The following OTOA variants were observed in gnomAD, a reference collection of about 807,000 sequenced individuals.
OTOA encodes cancer/testis antigen 108.
In OTOA, 70 loss-of-function variants were observed where a neutral mutation model predicts 110.8. The observed-to-expected ratio is 0.63, with a 90% CI of 0.52 to 0.77. The LOEUF (loss-of-function observed/expected upper bound fraction) is 0.77, where lower values mean the gene tolerates loss of function less well. Ranked by LOEUF, OTOA falls within the 30% of genes least tolerant of loss-of-function variation. The pLI is 0.00. For synonymous variants in OTOA, 373 were observed against 431.5 expected (o/e 0.86, Z 1.68); for missense variants, 917 against 1,075.8 (o/e 0.85, Z 2.06).
intron 18 of OTOA, among the ~76,000 whole-genome samples, chr16:21,725,326 C>T (rs1898879763): frequency 6.6e-6 from 1 of 151,994 alleles, no homozygotes; most frequent in African/African-American, 2.4e-5. Context: ...ATTCTGTCAC[C>T]CAGGTTGGAG....
chr16:21,719,429 T>C lies in OTOA; in HGVS notation c.1731T>C (p.Asp577=), dbSNP rs1898659448. Residue 577 remains aspartate (D), a synonymous_variant, in exon 17 of 29, where the codon GAT becomes GAC. Coordinates refer to ENST00000646100, the MANE Select transcript of OTOA (RefSeq NM_144672.4). ...AAGGCGTGACCTGCTCACACATTGATGCCATGAGCACTGACTTCTTTCTGG... is the reference window on the plus strand; with the variant it reads ...AAGGCGTGACCTGCTCACACATTGACGCCATGAGCACTGACTTCTTTCTGG... ...LVKGVTCSHI[D]AMSTDFFLAH... The C allele has an allele frequency of 6.2e-7, 1 of 1,614,066 alleles. No homozygotes were observed. Among genetic ancestry groups the C allele is most frequent in the African/African-American group, 1.3e-5 (1 of 74,944 alleles).
chr16:21,699,811 C>T (rs1267578737), intron 10 of OTOA, among the ~76,000 whole-genome samples: 1 of 151,972 alleles, frequency 6.6e-6, no homozygotes, highest in Non-Finnish European at 1.5e-5. Flanking sequence ...CCCAGCTACT[C>T]AGGAGGCTGA....
intron 1 of OTOA, among the ~76,000 whole-genome samples, chr16:21,667,147 A>C (rs1418597789): frequency 6.6e-6 from 1 of 152,202 alleles, no homozygotes; most frequent in Non-Finnish European, 1.5e-5. Flanking sequence ...GTGGGCCAAC[A>C]CACCTACAAA....
At chr16:21,688,918 G>C (rs192946195) in intron 8 of OTOA, among the ~76,000 whole-genome samples, 1 of 152,160 alleles carries the variant, frequency 6.6e-6, no homozygotes, top group Admixed American at 6.6e-5. Context: ...ATCTGAGTGT[G>C]TTTTAAAGAT....
At chr16:21,728,486 A>T (rs759586650) in intron 20 of OTOA, 55 bp downstream of exon 20, 136 of 1,579,888 alleles carry the variant, frequency 8.6e-5, no homozygotes, top group Middle Eastern at 2.0e-4. Context: ...GTGGAGGGAC[A>T]CTCAACCTTG....
At chr16:21,675,709 C>T (rs1384215927) in intron 1 of OTOA, among the ~76,000 whole-genome samples, 1 of 151,930 alleles carries the variant, frequency 6.6e-6, no homozygotes, top group African/African-American at 2.4e-5. Flanking sequence ...TCTAGAAGTT[C>T]CTCTTGGGGT....
intron 28 of OTOA, among the ~76,000 whole-genome samples, chr16:21,760,245 T>C (rs1165790180): frequency 2.0e-5 from 3 of 151,882 alleles, no homozygotes; most frequent in Non-Finnish European, 2.9e-5. Flanking sequence ...AATTGGTGTT[T>C]CTAACAAGCT....
intron 7 of OTOA, 120 bp downstream of exon 7, chr16:21,685,481 C>CAGGCA: frequency 7.1e-7 from 1 of 1,412,654 alleles, no homozygotes. Context: ...CTCTCTCCTT[C>CAGGCA]TGCCTCCTCC....
chr16:21,667,135 T>TG (rs1966841665), intron 1 of OTOA, among the ~76,000 whole-genome samples: 1 of 152,138 alleles, frequency 6.6e-6, no homozygotes, highest in Non-Finnish European at 1.5e-5. Context: ...AGGATGGTGA[T>TG]GGTGGGCCAA....
chr16:21,760,629 C>T lies in OTOA; in HGVS notation c.*89C>T. Reference sequence around the variant, plus strand: ...GCTCCAGATGGTGGGACACCCTTCCCTGGATCCAGACCCTCATCTAGGGCA... The same window carrying T: ...GCTCCAGATGGTGGGACACCCTTCCTTGGATCCAGACCCTCATCTAGGGCA... On this transcript the variant is annotated 3_prime_UTR_variant, in exon 29 of 29. Coordinates refer to ENST00000646100, the MANE Select transcript of OTOA (RefSeq NM_144672.4). 8.4e-7 allele frequency: 1 copy of T among 1,194,522 alleles called. No individual in the cohort carries two copies. 74.0% of individuals were successfully genotyped at this position (1,194,522 alleles called of 1,614,324 possible).
intron 28 of OTOA, among the ~76,000 whole-genome samples, chr16:21,757,615 C>CTAT (rs557683434): frequency 1.8e-4 from 27 of 149,936 alleles, no homozygotes; most frequent in South Asian, 4.2e-4. Flanking sequence ...TAATAATGAA[C>CTAT]TATTATTATT....
intron 1 of OTOA, among the ~76,000 whole-genome samples, chr16:21,670,867 A>T (rs1757909388): frequency 6.6e-6 from 1 of 152,200 alleles, no homozygotes; most frequent in Admixed American, 6.5e-5. Flanking sequence ...TTAGCCGGGC[A>T]AAGAGGAAGG....
At chr16:21,719,022 C>A in intron 15 of OTOA, 111 bp from the exon 16 acceptor site, 1 of 1,088,636 alleles carries the variant, frequency 9.2e-7, no homozygotes. Context: ...GTTAAGCCTC[C>A]ATTTCCCCAT....
chr16:21,752,599 C>T (rs916716594), intron 26 of OTOA, 94 bp downstream of exon 26: 2 of 253,056 alleles, frequency 7.9e-6, no homozygotes, highest in Non-Finnish European at 1.5e-5. Flanking sequence ...GTGTAGCAAA[C>T]ATCAGTGGCG....
intron 12 of OTOA, among the ~76,000 whole-genome samples, chr16:21,707,877 C>T (rs1258481888): frequency 1.3e-5 from 2 of 149,882 alleles, no homozygotes; most frequent in Admixed American, 1.3e-4. Flanking sequence ...TCACTGCAAC[C>T]TCTGCCTCCC....
At chr16:21,724,242 G>A (rs1898845767) in intron 18 of OTOA, among the ~76,000 whole-genome samples, 1 of 152,146 alleles carries the variant, frequency 6.6e-6, no homozygotes, top group South Asian at 2.1e-4. Flanking sequence ...GAGAGGCAAA[G>A]GGGAGGGATA....
intron 17 of OTOA, among the ~76,000 whole-genome samples, chr16:21,719,737 C>A (rs539514858): frequency 5.8e-4 from 89 of 152,216 alleles, no homozygotes; most frequent in Non-Finnish European, 1.1e-3. Flanking sequence ...CAAATTTAAG[C>A]CTTAAAATAT....
At chr16:21,720,896 C>CATT (rs57835405) in intron 17 of OTOA, among the ~76,000 whole-genome samples, 5,207 of 147,174 alleles carry the variant, frequency 0.035, 173 homozygotes, top group African/African-American at 0.091. Flanking sequence ...TACTAAAACA[C>CATT]ATTATTATTA....
rs1898666390 is a variant in OTOA, at chr16:21,719,577, C to T, written c.1806+73C>T. 4.5e-5 allele frequency: 61 copies of T among 1,347,484 alleles called. 1 individual carries two copies. In the South Asian group the frequency reaches 6.4e-4, roughly 14 times the overall value. The allele number at this position is 1,347,484 out of a possible 1,614,324, so 83.5% of individuals were successfully genotyped here. ...GTCACTGGGCCTGGATTGGCTGTGG[C>T]ATCTAAAGATCTTTATGCCAGAATC... On this transcript the variant is annotated intron_variant, in intron 17 of 28. Coordinates refer to ENST00000646100, the MANE Select transcript of OTOA (RefSeq NM_144672.4).
Sources: gnomAD v4.1 joint callset for allele counts (sites outside exome capture counted in the v4.1 genomes callset) on GRCh38, gnomAD v4.1.1 for gene constraint, MANE v1.5 for transcripts, NCBI Gene and HGNC (gene_info 2026-07-23, HGNC 2026-07-21) for gene names.